NPAS3: variants seen among roughly 807,000 people sequenced by gnomAD.
NPAS3 encodes neuronal PAS domain-containing protein 3.
In NPAS3, 14 loss-of-function variants were observed where a neutral mutation model predicts 73.1. The ratio of observed to expected loss-of-function variants is 0.19; its 90% confidence interval spans 0.13 to 0.30. The LOEUF is 0.30. Ranked by LOEUF, NPAS3 falls within the 10% of genes least tolerant of loss-of-function variation. NPAS3 has a pLI of 1.00. For synonymous variants in NPAS3, 620 were observed against 541.5 expected (o/e 1.14, Z -2.01); for missense variants, 1,096 against 1,250.0 (o/e 0.88, Z 1.86).
chr14:33,237,475 G>A (rs1038140401), intron 3 of NPAS3, among the ~76,000 whole-genome samples: 1 of 152,072 alleles, frequency 6.6e-6, no homozygotes, highest in African/African-American at 2.4e-5. Context: ...GATGTGGGAT[G>A]TTTCAATCCC....
intron 1 of NPAS3, among the ~76,000 whole-genome samples, chr14:32,997,966 T>G (rs1452480338): frequency 1.3e-5 from 2 of 152,226 alleles, no homozygotes; most frequent in East Asian, 1.9e-4. Flanking sequence ...AAAACAGTTC[T>G]GTGGTTTGTC....
At chr14:32,985,364 A>G (rs1167033235) in intron 1 of NPAS3, among the ~76,000 whole-genome samples, 2 of 152,212 alleles carry the variant, frequency 1.3e-5, no homozygotes, top group African/African-American at 4.8e-5. Flanking sequence ...TCTATAGTAC[A>G]CAAAAATTTT....
chr14:33,403,458 A>T (rs1304364427), intron 4 of NPAS3, among the ~76,000 whole-genome samples: 2 of 152,112 alleles, frequency 1.3e-5, no homozygotes, highest in African/African-American at 4.8e-5. Context: ...TTTCACTTAG[A>T]CGAGCAGGAA....
chr14:33,516,257 G>A (rs2053291562), intron 4 of NPAS3, among the ~76,000 whole-genome samples: 1 of 152,106 alleles, frequency 6.6e-6, no homozygotes, highest in Non-Finnish European at 1.5e-5. Context: ...AGATCATAAA[G>A]TGAGATAGAG....
intron 2 of NPAS3, among the ~76,000 whole-genome samples, chr14:33,146,597 C>A: frequency 6.6e-6 from 1 of 152,172 alleles, no homozygotes; most frequent in East Asian, 1.9e-4. Context: ...GGAGGACATG[C>A]AGAAGAGGAA....
chr14:33,541,405 A>C (rs1203354605), intron 4 of NPAS3, among the ~76,000 whole-genome samples: 1 of 152,192 alleles, frequency 6.6e-6, no homozygotes, highest in African/African-American at 2.4e-5. Context: ...ATGCCGCTTA[A>C]AGCTGTCATA....
chr14:33,080,238 G>C (rs1034807828), intron 2 of NPAS3, among the ~76,000 whole-genome samples: 1 of 152,030 alleles, frequency 6.6e-6, no homozygotes, highest in Non-Finnish European at 1.5e-5. Context: ...CTCCCGAGTA[G>C]CTGGGACTAC....
intron 4 of NPAS3, among the ~76,000 whole-genome samples, chr14:33,428,217 C>T (rs971887967): frequency 4.6e-5 from 7 of 151,992 alleles, no homozygotes; most frequent in Non-Finnish European, 8.8e-5. Flanking sequence ...CCCATTCTAC[C>T]ACTTGCTACC....
At chr14:33,131,855 T>G (rs1015713241) in intron 2 of NPAS3, among the ~76,000 whole-genome samples, 74 of 152,176 alleles carry the variant, frequency 4.9e-4, no homozygotes, top group African/African-American at 1.6e-3. Context: ...GAACGTAATC[T>G]TTGAGCCGAA....
chr14:33,225,707 G>T (rs2047605384), intron 3 of NPAS3, among the ~76,000 whole-genome samples: 2 of 152,008 alleles, frequency 1.3e-5, no homozygotes, highest in Non-Finnish European at 1.5e-5. Flanking sequence ...AAACAACAAG[G>T]ACAATGCATT....
intron 5 of NPAS3, among the ~76,000 whole-genome samples, chr14:33,644,514 A>C (rs576553035): frequency 6.6e-6 from 1 of 152,190 alleles, no homozygotes; most frequent in Admixed American, 6.5e-5. Context: ...TATCCTCAGC[A>C]TAAGTCACAT....
At chr14:33,687,959 TCA>T (rs1055966382) in intron 6 of NPAS3, among the ~76,000 whole-genome samples, 1 of 152,238 alleles carries the variant, frequency 6.6e-6, no homozygotes, top group Non-Finnish European at 1.5e-5. Context: ...AATCTATGTA[TCA>T]GTTTGTAATG....
At position 33,593,254 on chromosome 14, in the gene NPAS3, C is replaced by G. The variant is rs199509171; in HGVS notation, c.558+33044C>G. Among the ~76,000 whole-genome samples, 4 of 152,136 alleles carry G rather than the reference C, an allele frequency of 2.6e-5. No homozygotes were observed. In the East Asian group the frequency reaches 5.8e-4, roughly 22 times the overall value. ...GGTAGGTATTAACTCTCTGGCGGAG[C>G]TGAAGAAATTAAGGTTTGCCCAAAG... On this transcript the variant is annotated intron_variant, in intron 5 of 11. Transcript: ENST00000356141.
intron 5 of NPAS3, among the ~76,000 whole-genome samples, chr14:33,566,233 C>CT (rs1555413596): frequency 4.0e-5 from 6 of 151,672 alleles, no homozygotes; most frequent in African/African-American, 1.2e-4. Flanking sequence ...TTTTCCCCCC[C>CT]GAAAATGACT....
intron 4 of NPAS3, among the ~76,000 whole-genome samples, chr14:33,421,547 CTTT>C (rs80147474): frequency 1.4e-5 from 2 of 147,900 alleles, no homozygotes; most frequent in African/African-American, 5.0e-5. Context: ...CATATAGAAG[CTTT>C]TTTTTTTGTA....
chr14:33,014,973 T>C (rs17099915), intron 1 of NPAS3, among the ~76,000 whole-genome samples: 6,197 of 152,244 alleles, frequency 0.041, 248 homozygotes, highest in East Asian at 0.23. Context: ...GGACTCTTAC[T>C]CGGTACACTC....
chr14:33,196,050 A>C (rs2046339408), intron 2 of NPAS3, among the ~76,000 whole-genome samples: 1 of 152,232 alleles, frequency 6.6e-6, no homozygotes. Flanking sequence ...ACACAGAGTC[A>C]GAGAAATTAA....
intron 1 of NPAS3, among the ~76,000 whole-genome samples, chr14:33,023,247 G>A (rs2039674374): frequency 2.0e-5 from 3 of 152,104 alleles, no homozygotes; most frequent in Non-Finnish European, 4.4e-5. Context: ...AAAGAAATCT[G>A]TCTGCAGTAT....
At chr14:33,467,439 C>G (rs2050578695) in intron 4 of NPAS3, among the ~76,000 whole-genome samples, 1 of 152,148 alleles carries the variant, frequency 6.6e-6, no homozygotes. Context: ...ACAGGTTAAA[C>G]TACTATACAC....
Sources: gnomAD v4.1 joint callset for allele counts (sites outside exome capture counted in the v4.1 genomes callset) on GRCh38, gnomAD v4.1.1 for gene constraint, MANE v1.5 for transcripts, NCBI Gene and HGNC (gene_info 2026-07-23, HGNC 2026-07-21) for gene names.